The following NCAPD3 variants were observed in gnomAD, a reference collection of about 807,000 sequenced individuals.
NCAPD3 encodes the protein non-SMC condensin II complex subunit D3.
In NCAPD3, 105 loss-of-function variants were observed where a neutral mutation model predicts 182.9. The ratio of observed to expected loss-of-function variants is 0.57; its 90% confidence interval spans 0.49 to 0.68. The LOEUF is 0.68. NCAPD3 is among the 30% of genes least tolerant of loss of function. The probability of loss-of-function intolerance (pLI) is 0.00; values close to 1 mark genes in which losing one functional copy is unlikely to be tolerated. For missense variants in NCAPD3, 1,944 were observed against 1,837.0 expected (o/e 1.06, Z -1.07); for synonymous variants, 815 against 679.9 (o/e 1.20, Z -3.09).
chr11:134,163,701 A>C (rs1364533741), intron 27 of NCAPD3, among the ~76,000 whole-genome samples: 1 of 77,050 alleles, frequency 1.3e-5, no homozygotes, highest in African/African-American at 7.4e-5. Flanking sequence ...ACTGTGTCTC[A>C]AAAAAAAAAA....
chr11:134,213,019 A>G (rs1937893350), intron 3 of NCAPD3, among the ~76,000 whole-genome samples: 1 of 152,176 alleles, frequency 6.6e-6, no homozygotes, highest in South Asian at 2.1e-4. Flanking sequence ...AAAAGCAAAC[A>G]TTGTCAGAAA....
At chr11:134,224,056 C>A, upstream of NCAPD3, 2 of 1,125,490 alleles carry the variant, frequency 1.8e-6, no homozygotes, top group South Asian at 2.9e-5. Context: ...CGCGCCGAGC[C>A]GTTTCCATTC....
Position 134,206,629 on chromosome 11 carries a change from T to G in NCAPD3, c.986A>C (p.Asn329Thr). Residue 329 changes from asparagine to threonine, a missense_variant, in exon 8 of 35, where the codon AAC becomes ACC. By Grantham distance (65) the Asn-to-Thr change is moderately conservative. Coordinates refer to ENST00000534548, the MANE Select transcript of NCAPD3 (RefSeq NM_015261.3). ...APLAVTSQVINCRNQAVQFIS... is the reference protein window; with the variant it reads ...APLAVTSQVITCRNQAVQFIS... Reference sequence around the variant, plus strand: ...AAACTGGACCGCCTGGTTTCTACAGTTGATGACTTGGGAGGTAACAGCAAG... The same window carrying G: ...AAACTGGACCGCCTGGTTTCTACAGGTGATGACTTGGGAGGTAACAGCAAG... 1 of 1,613,442 alleles carries G rather than the reference T, an allele frequency of 6.2e-7. No individual in the cohort carries two copies. The highest frequency in any genetic ancestry group is 8.5e-7 in the Non-Finnish European group (1 of 1,179,768).
rs386375333 is a variant in NCAPD3, at chr11:134,163,891, A to AAAC, written c.3574-2001_3574-2000insGTT. ...TGTCTCAAAAAAAAAAAAAAAAAAA[A>AAAC]AGAAAAAGAAAGAAAGACTGCTCTG... On this transcript the variant is annotated intron_variant, in intron 27 of 34. Transcript: ENST00000534548. Among the ~76,000 whole-genome samples the AAAC allele has an allele frequency of 2.9e-4, 43 of 149,466 alleles. 1 individual carries two copies. The highest frequency in any genetic ancestry group is 4.0e-4 in the Non-Finnish European group (27 of 67,502).
chr11:134,182,376 G>A (rs1016751976), intron 19 of NCAPD3, among the ~76,000 whole-genome samples: 4 of 152,224 alleles, frequency 2.6e-5, no homozygotes, highest in Admixed American at 2.6e-4. Context: ...CATTGGTCCA[G>A]ATAGGTTGTC....
chr11:134,198,306 A>G (rs1371437876), intron 13 of NCAPD3, among the ~76,000 whole-genome samples: 1 of 152,184 alleles, frequency 6.6e-6, no homozygotes, highest in Non-Finnish European at 1.5e-5. Context: ...ATTCCTTCCT[A>G]TTGAACCCAG....
intron 28 of NCAPD3, among the ~76,000 whole-genome samples, chr11:134,161,290 C>T (rs769368241): frequency 2.0e-4 from 30 of 152,264 alleles, no homozygotes; most frequent in South Asian, 4.1e-4. Context: ...GGGTTTGCTC[C>T]GACTGAGCTC....
At chr11:134,214,509 A>G (rs999917188) in intron 3 of NCAPD3, among the ~76,000 whole-genome samples, 1 of 152,216 alleles carries the variant, frequency 6.6e-6, no homozygotes, top group African/African-American at 2.4e-5. Flanking sequence ...AAAAGTCAGA[A>G]TAAGAGCAAA....
intron 27 of NCAPD3, among the ~76,000 whole-genome samples, chr11:134,165,376 A>G (rs372224914): frequency 2.0e-5 from 3 of 150,010 alleles, no homozygotes; most frequent in African/African-American, 7.4e-5. Context: ...CACTCGTGAG[A>G]TAAGCTTCGG....
chr11:134,171,210 C>A (rs139900473), intron 24 of NCAPD3, among the ~76,000 whole-genome samples: 9 of 152,240 alleles, frequency 5.9e-5, no homozygotes, highest in African/African-American at 1.4e-4. Flanking sequence ...CTCAGGGATG[C>A]GGTCTATGGA....
chr11:134,159,693 T>A (rs551979179), intron 29 of NCAPD3, among the ~76,000 whole-genome samples, 199 bp downstream of exon 29: 7 of 152,268 alleles, frequency 4.6e-5, no homozygotes, highest in Admixed American at 3.9e-4. Context: ...CACGTCCTCA[T>A]GGAAGGGAGG....
At chr11:134,203,075 AT>A in intron 12 of NCAPD3, 66 bp downstream of exon 12, 1 of 1,336,622 alleles carries the variant, frequency 7.5e-7, no homozygotes, top group Admixed American at 1.9e-5. Flanking sequence ...TAAGAAAAAC[AT>A]TTTAAATATT....
intron 11 of NCAPD3, 78 bp from the exon 12 acceptor site, chr11:134,203,276 A>C: frequency 9.4e-7 from 1 of 1,065,404 alleles, no homozygotes; most frequent in Non-Finnish European, 1.4e-6. Flanking sequence ...AATCAAAATC[A>C]AGATAATTAG....
intron 23 of NCAPD3, 21 bp from the exon 24 acceptor site, chr11:134,176,407 A>T (rs1246544601): frequency 2.5e-6 from 4 of 1,609,344 alleles, no homozygotes; most frequent in Non-Finnish European, 3.4e-6. Flanking sequence ...AGAAGCCGGC[A>T]TGTTTCAGAG....
chr11:134,184,341 C>A (rs536417281), intron 19 of NCAPD3, among the ~76,000 whole-genome samples: 1 of 152,198 alleles, frequency 6.6e-6, no homozygotes, highest in African/African-American at 2.4e-5. Flanking sequence ...AGAAAGAGAA[C>A]CTTGCAGAAT....
At chr11:134,193,839 A>C (rs370401611) in intron 15 of NCAPD3, among the ~76,000 whole-genome samples, 177 bp downstream of exon 15, 4 of 152,260 alleles carry the variant, frequency 2.6e-5, no homozygotes, top group African/African-American at 7.2e-5. Flanking sequence ...TTTAATAGGA[A>C]GCACAGTCTA....
chr11:134,206,688 C>T lies in NCAPD3; in HGVS notation c.927G>A (p.Met309Ile), dbSNP rs976216720. 2.5e-6 allele frequency: 4 copies of T among 1,613,154 alleles called. No homozygotes were observed. The African/African-American group carries it at 4.0e-5, about 16-fold the overall frequency. ...GATGGGATCCTTCACCAACTTCTAA[C>T]ATTAATATTACACTGAGCATTTGAT... ...VFHQMLSVIL[M>I]LEVGEGSHRA... The change falls in exon 8 of 35, where the codon ATG becomes ATA. Residue 309 changes from methionine to isoleucine, a missense_variant. Coordinates refer to ENST00000534548, the MANE Select transcript of NCAPD3 (RefSeq NM_015261.3).
chr11:134,202,313 G>C (rs929619620), intron 13 of NCAPD3, among the ~76,000 whole-genome samples: 18 of 152,154 alleles, frequency 1.2e-4, no homozygotes, highest in Admixed American at 1.0e-3. Flanking sequence ...GAAAACGACA[G>C]GTATACCCCT....
chr11:134,173,395 G>C (rs1477069037), intron 24 of NCAPD3: 2 of 153,534 alleles, frequency 1.3e-5, no homozygotes, highest in African/African-American at 2.4e-5. Context: ...ACCTGGTTCT[G>C]TGTGCAAGAG....
Sources: gnomAD v4.1 joint callset for allele counts (sites outside exome capture counted in the v4.1 genomes callset) on GRCh38, gnomAD v4.1.1 for gene constraint, MANE v1.5 for transcripts, NCBI Gene and HGNC (gene_info 2026-07-23, HGNC 2026-07-21) for gene names.